ANOS1: variants seen among roughly 807,000 people sequenced by gnomAD.
The protein encoded by ANOS1 is anosmin 1.
ANOS1 carries 6 observed loss-of-function variants against 59.0 expected under a neutral mutation model. That is an observed-to-expected ratio of 0.10 (90% CI 0.06 to 0.20). The LOEUF (loss-of-function observed/expected upper bound fraction) is 0.20, where lower values mean the gene tolerates loss of function less well. ANOS1 is among the 10% of genes least tolerant of loss of function. The pLI, the probability that ANOS1 is intolerant of heterozygous loss-of-function variation, is 1.00. For missense variants in ANOS1, 433 were observed against 542.3 expected, an observed-to-expected ratio of 0.80 and a Z score of 2.00; for synonymous variants, 217 against 223.4, an observed-to-expected ratio of 0.97 and a Z score of 0.25.
chrX:8,681,938 G>C (rs756343316), intron 2 of ANOS1, among the ~76,000 whole-genome samples: 3 of 111,444 alleles, frequency 2.7e-5, no homozygotes, highest in African/African-American at 9.8e-5. Flanking sequence ...CCTAATGTAA[G>C]ATAAGGAAGT....
chrX:8,692,739 A>C (rs887974361), intron 2 of ANOS1, among the ~76,000 whole-genome samples: 2 of 111,649 alleles, frequency 1.8e-5, no homozygotes, highest in African/African-American at 6.5e-5. Flanking sequence ...CAGTTTATCT[A>C]CACTAGATCA....
chrX:8,579,247 A>G (rs1930381030), intron 6 of ANOS1, among the ~76,000 whole-genome samples: 1 of 111,882 alleles, frequency 8.9e-6, no homozygotes, highest in African/African-American at 3.2e-5. Context: ...TGTAACCCTG[A>G]CTCCAAATTG....
intron 3 of ANOS1, among the ~76,000 whole-genome samples, chrX:8,621,301 G>A (rs1362482800): frequency 1.8e-5 from 2 of 109,880 alleles, no homozygotes; most frequent in Admixed American, 2.0e-4. Context: ...AGGAGGTGGA[G>A]GGTGCAGTGA....
At chrX:8,565,183 T>G (rs1377694453) in intron 8 of ANOS1, among the ~76,000 whole-genome samples, 1 of 112,003 alleles carries the variant, frequency 8.9e-6, no homozygotes, top group Admixed American at 9.5e-5. Flanking sequence ...ATTATGGGAA[T>G]TTGCAATCCC....
At chrX:8,619,177 A>T (rs1443676785) in intron 3 of ANOS1, among the ~76,000 whole-genome samples, 1 of 110,128 alleles carries the variant, frequency 9.1e-6, no homozygotes, top group Non-Finnish European at 1.9e-5. Context: ...TTGCCTATCT[A>T]TGTATCTATG....
chrX:8,653,686 C>A (rs1390601032), intron 2 of ANOS1, among the ~76,000 whole-genome samples: 3 of 111,775 alleles, frequency 2.7e-5, no homozygotes, highest in African/African-American at 9.8e-5. Context: ...AATTTTTCTC[C>A]CTGGTTCTCC....
intron 2 of ANOS1, among the ~76,000 whole-genome samples, chrX:8,685,602 AAGAAAGAAAGAAAG>A (rs1932502699): frequency 2.2e-4 from 10 of 45,539 alleles, no homozygotes; most frequent in Non-Finnish European, 3.9e-4. Context: ...GAAAGGAAGA[AAGAAAGAAAGAAAG>A]AAAGAAAGAA....
chrX:8,674,945 C>T (rs781022794), intron 2 of ANOS1, among the ~76,000 whole-genome samples: 23 of 111,754 alleles, frequency 2.1e-4, no homozygotes, highest in Admixed American at 7.6e-4. Context: ...CAGGTCTTCT[C>T]TGCCCTGCCT....
At chrX:8,596,197 A>C (rs1308962190) in intron 4 of ANOS1, among the ~76,000 whole-genome samples, 5 of 111,260 alleles carry the variant, frequency 4.5e-5, no homozygotes, top group Admixed American at 9.6e-5. Context: ...GAATCATCCC[A>C]AAACCATCCC....
At position 8,536,202 on chromosome X, in the gene ANOS1, TTTTTTTTTTTTTTTA is replaced by T. The variant is rs1234287340; in HGVS notation, c.1622-406_1622-392del. On this transcript the variant is annotated intron_variant, in intron 11 of 13. Transcript: ENST00000262648. ...TAAATCCGAAGCTTTTTTTTTTTTT[TTTTTTTTTTTTTTTA>T]AAAGGTGAGATCTTGCTATGTTGCC... Among the ~76,000 whole-genome samples the T allele has an allele frequency of 4.8e-3, 362 of 75,784 alleles. 9 individuals carry two copies. Among genetic ancestry groups the T allele is most frequent in the African/African-American group, 0.019 (349 of 18,083 alleles). The allele number at this position is 75,784 out of a possible 115,157, so 65.8% of individuals were successfully genotyped here.
chrX:8,648,028 A>G (rs1931788806), intron 2 of ANOS1, among the ~76,000 whole-genome samples: 2 of 112,415 alleles, frequency 1.8e-5, no homozygotes, highest in South Asian at 7.3e-4. Context: ...TAAACTGTAT[A>G]AATGTTATAA....
intron 4 of ANOS1, among the ~76,000 whole-genome samples, chrX:8,589,606 G>A (rs1212101343): frequency 2.7e-5 from 3 of 112,115 alleles, no homozygotes; most frequent in Non-Finnish European, 5.6e-5. Context: ...GGTGGATCTG[G>A]AACTTCACCA....
chrX:8,531,992 G>C lies in ANOS1; in HGVS notation c.*1003C>G, dbSNP rs192031992. The C allele has an allele frequency of 1.2e-4, 13 of 111,364 alleles. No individual in the cohort carries two copies. Among genetic ancestry groups the C allele is most frequent in the Non-Finnish European group, 1.9e-5 (1 of 53,049 alleles). The allele number at this position is 111,364 out of a possible 1,213,427, so 9.2% of individuals were successfully genotyped here. ...ATGGGTGAATTAAATGCAAATAACT[G>C]TCCTTCTCTATCAATCAAAGGAATT... On this transcript the variant is annotated 3_prime_UTR_variant, in exon 14 of 14. Transcript: ENST00000262648.
At chrX:8,615,036 A>G (rs1407808212) in intron 3 of ANOS1, among the ~76,000 whole-genome samples, 1 of 110,436 alleles carries the variant, frequency 9.1e-6, no homozygotes, top group African/African-American at 3.3e-5. Context: ...ATAAAAATTC[A>G]TAAGCATTCT....
chrX:8,682,689 G>A (rs1203306669), intron 2 of ANOS1, among the ~76,000 whole-genome samples: 2 of 110,930 alleles, frequency 1.8e-5, no homozygotes, highest in African/African-American at 3.3e-5. Context: ...TCATCCCCAC[G>A]CTGTATTACC....
At chrX:8,724,871 C>A (rs892647034) in intron 1 of ANOS1, among the ~76,000 whole-genome samples, 1 of 112,006 alleles carries the variant, frequency 8.9e-6, no homozygotes, top group Non-Finnish European at 1.9e-5. Context: ...TAATGCTAAT[C>A]TAAAGCTTGA....
intron 1 of ANOS1, among the ~76,000 whole-genome samples, chrX:8,700,461 A>G (rs1161656616): frequency 1.8e-5 from 2 of 111,611 alleles, no homozygotes; most frequent in African/African-American, 6.5e-5. Context: ...ATCCACCTCT[A>G]TGATCCAATT....
At chrX:8,639,736 A>G (rs1931628307) in intron 2 of ANOS1, among the ~76,000 whole-genome samples, 1 of 112,480 alleles carries the variant, frequency 8.9e-6, no homozygotes, top group Admixed American at 9.4e-5. Context: ...TCAGAATGGC[A>G]TCTTCTGTTG....
chrX:8,594,679 T>C (rs1006330111), intron 4 of ANOS1, among the ~76,000 whole-genome samples: 4 of 58,741 alleles, frequency 6.8e-5, no homozygotes, highest in African/African-American at 1.5e-4. Context: ...TATATATATA[T>C]ATATATATAT....
Sources: gnomAD v4.1 joint callset for allele counts (sites outside exome capture counted in the v4.1 genomes callset) on GRCh38, gnomAD v4.1.1 for gene constraint, MANE v1.5 for transcripts, NCBI Gene and HGNC (gene_info 2026-07-23, HGNC 2026-07-21) for gene names.